The following KLC4 variants were observed in gnomAD, a reference collection of about 807,000 sequenced individuals.
The protein encoded by KLC4 is kinesin-like protein 8.
A neutral mutation model predicts 77.2 loss-of-function variants in KLC4; 49 were observed. The observed-to-expected ratio is 0.63, with a 90% CI of 0.50 to 0.80. The LOEUF is 0.80. KLC4 is among the 30% of genes least tolerant of loss of function. The pLI is 0.00. For missense variants in KLC4, 669 were observed against 793.5 expected, an observed-to-expected ratio of 0.84 and a Z score of 1.89; for synonymous variants, 274 against 314.5, an observed-to-expected ratio of 0.87 and a Z score of 1.36.
intron 13 of KLC4, 119 bp downstream of exon 13, chr6:43,073,083 C>T: frequency 7.2e-7 from 1 of 1,398,052 alleles, no homozygotes; most frequent in Non-Finnish European, 9.7e-7. Context: ...TCTCTGGGAG[C>T]CAGTTTTTGA....
chr6:43,067,093 C>A lies in KLC4; in HGVS notation c.879+10C>A, dbSNP rs373058990. Reference sequence around the variant, plus strand: ...ACCTGACCATCCTGCTGTCAGTATTCCTTGCCCTCCCCACCCCACGCCCCG... The same window carrying A: ...ACCTGACCATCCTGCTGTCAGTATTACTTGCCCTCCCCACCCCACGCCCCG... On this transcript the variant is annotated intron_variant, in intron 6 of 15. Coordinates refer to ENST00000347162, the MANE Select transcript of KLC4 (RefSeq NM_201521.3). 6.2e-7 allele frequency: 1 copy of A among 1,613,874 alleles called. No homozygotes were observed. The highest frequency in any genetic ancestry group is 8.5e-7 in the Non-Finnish European group (1 of 1,179,966).
At chr6:43,068,472 C>CA (rs199648271) in intron 6 of KLC4, among the ~76,000 whole-genome samples, 2,698 of 145,426 alleles carry the variant, frequency 0.019, 36 homozygotes, top group Middle Eastern at 0.05. Flanking sequence ...AACTCTGTCT[C>CA]AAAAAAAAAG....
chr6:43,067,879 G>A lies in KLC4; in HGVS notation c.879+796G>A, dbSNP rs1448501500. On this transcript the variant is annotated intron_variant, in intron 6 of 15. Transcript: ENST00000347162. Reference sequence around the variant, plus strand: ...TGTAATCCCAGCACTTTGGGAGGCCGAGGCGGGCGGATCACGAGGTCAGGA... The same window carrying A: ...TGTAATCCCAGCACTTTGGGAGGCCAAGGCGGGCGGATCACGAGGTCAGGA... 4.6e-4 allele frequency among the ~76,000 whole-genome samples: 55 copies of A among 118,878 alleles called. 1 individual carries two copies. The highest frequency in any genetic ancestry group is 4.4e-3 in the Middle Eastern group (1 of 228). 78.0% of individuals were successfully genotyped at this position (118,878 alleles called of 152,430 possible).
chr6:43,070,254 G>T lies in KLC4; in HGVS notation c.880-100G>T, dbSNP rs374615750. The T allele has an allele frequency of 5.4e-6, 4 of 745,984 alleles. No homozygotes were observed. The African/African-American group carries it at 6.9e-5, about 13-fold the overall frequency. The allele number at this position is 745,984 out of a possible 1,614,324, so 46.2% of individuals were successfully genotyped here. ...GTAGTAGACTTTGTCTCTTAGAGTT[G>T]TGCAGTGAGTGTTGGGCCCTGCTGG... On this transcript the variant is annotated intron_variant, in intron 6 of 15. Coordinates refer to ENST00000347162, the MANE Select transcript of KLC4 (RefSeq NM_201521.3).
intron 1 of KLC4, chr6:43,059,991 C>A: frequency 7.3e-7 from 1 of 1,364,678 alleles, no homozygotes; most frequent in Non-Finnish European, 9.5e-7. Flanking sequence ...GCCCATCTCA[C>A]TCTCCCAACC....
rs1259217160 is a variant in KLC4 at position 43,071,562 on chromosome 6, C to T, written c.1256-5C>T. On this transcript the variant is annotated splice_region_variant and splice_polypyrimidine_tract_variant and intron_variant, in intron 9 of 15. Transcript: ENST00000347162. ...TAACCTCCCCACCCCATGTATCACC[C>T]CTAGATGACCACAAGCCCATCTGGA... 6.2e-7 allele frequency: 1 copy of T among 1,613,232 alleles called. No homozygotes were observed. The highest frequency in any genetic ancestry group is 8.5e-7 in the Non-Finnish European group (1 of 1,179,674).
chr6:43,070,915 GAGGT>G, intron 8 of KLC4, 50 bp downstream of exon 8: 2 of 319,740 alleles, frequency 6.3e-6, no homozygotes, highest in Non-Finnish European at 1.1e-5. Context: ...GGGGGGCACA[GAGGT>G]GGGGGGAGGG....
rs7772629 is a variant in KLC4 at position 43,069,737 on chromosome 6, G to A, written c.880-617G>A. ...CTAATTTTGTACTTTTAGTAGAGAC[G>A]GGGTTTCTCCATGTTGGTCAGGCTG... is the stretch of plus-strand genomic sequence containing the variant. On this transcript the variant is annotated intron_variant, in intron 6 of 15. Coordinates refer to ENST00000347162, the MANE Select transcript of KLC4 (RefSeq NM_201521.3). Among the ~76,000 whole-genome samples the A allele has an allele frequency of 2.4e-4, 36 of 151,982 alleles. 1 individual carries two copies. In the East Asian group the frequency reaches 2.5e-3, roughly 11 times the overall value.
In KLC4 at chr6:43,067,099, C is replaced by T. The variant is rs1157463570; in HGVS notation, c.879+16C>T. The T allele has an allele frequency of 1.9e-6, 3 of 1,613,680 alleles. No individual in the cohort carries two copies. The South Asian group carries it at 3.3e-5, about 18-fold the overall frequency. On this transcript the variant is annotated intron_variant, in intron 6 of 15. Coordinates refer to ENST00000347162, the MANE Select transcript of KLC4 (RefSeq NM_201521.3). The stretch of plus-strand genomic sequence containing the variant: ...CCATCCTGCTGTCAGTATTCCTTGC[C>T]CTCCCCACCCCACGCCCCGCACCCC...
At chr6:43,060,306 A>G (rs1765077146) in intron 1 of KLC4, 1 of 1,604,412 alleles carries the variant, frequency 6.2e-7, no homozygotes, top group South Asian at 1.1e-5. Flanking sequence ...TCTCTCTCTC[A>G]TTCCCTTCCT....
intron 6 of KLC4, among the ~76,000 whole-genome samples, chr6:43,069,846 C>T (rs1381879689): frequency 6.6e-6 from 1 of 152,126 alleles, no homozygotes; most frequent in Non-Finnish European, 1.5e-5. Context: ...CTGCGTCCAG[C>T]CAAAAAGCTA....
At chr6:43,069,600 G>A (rs558846383) in intron 6 of KLC4, among the ~76,000 whole-genome samples, 51 of 151,972 alleles carry the variant, frequency 3.4e-4, no homozygotes, top group African/African-American at 1.2e-3. Flanking sequence ...CCAGGCTAGA[G>A]TGCAACATGG....
chr6:43,067,584 G>C (rs1228395153), intron 6 of KLC4, among the ~76,000 whole-genome samples: 1 of 151,968 alleles, frequency 6.6e-6, no homozygotes, highest in Non-Finnish European at 1.5e-5. Flanking sequence ...CACGAGGTCA[G>C]GAGATCGAGA....
At chr6:43,067,308 A>G in intron 6 of KLC4, 1 of 1,021,092 alleles carries the variant, frequency 9.8e-7, no homozygotes, top group Non-Finnish European at 1.3e-6. Context: ...GCTTGAATTT[A>G]ATTAATAGAT....
At chr6:43,059,849 A>C in intron 1 of KLC4, 164 bp downstream of exon 1, 5 of 1,189,114 alleles carry the variant, frequency 4.2e-6, no homozygotes, top group Non-Finnish European at 5.2e-6. Context: ...GCGTCCAGAC[A>C]GATAGACAGA....
Position 43,070,900 on chromosome 6 carries a change from G to A in KLC4, c.1155+35G>A, listed in dbSNP as rs748384751. On this transcript the variant is annotated intron_variant, in intron 8 of 15. Transcript: ENST00000347162. Reference sequence around the variant, plus strand: ...GAGGGACAAAGTAGGTGGAAGAAACGGAGAGGGGGGCACAGAGGTGGGGGG... The same window carrying A: ...GAGGGACAAAGTAGGTGGAAGAAACAGAGAGGGGGGCACAGAGGTGGGGGG... 9 of 752,908 alleles carry A rather than the reference G, an allele frequency of 1.2e-5. No individual in the cohort carries two copies. The African/African-American group carries it at 1.3e-4, about 11-fold the overall frequency. 46.6% of individuals were successfully genotyped at this position (752,908 alleles called of 1,614,324 possible). A position where few individuals can be genotyped will look rare whatever the true frequency, so the allele number is the denominator to read the frequency against.
rs1352960116 is a variant in KLC4 at position 43,072,873 on chromosome 6, G to C, written c.1538G>C (p.Ser513Thr). 10 of 1,613,628 alleles carry C rather than the reference G, an allele frequency of 6.2e-6. No homozygotes were observed. Among genetic ancestry groups the C allele is most frequent in the Non-Finnish European group, 8.5e-6 (10 of 1,179,816 alleles). The change falls in exon 13 of 16, where the codon AGT becomes ACT. Residue 513 changes from serine (S) to threonine (T), a missense_variant. By Grantham distance (58) the Ser-to-Thr change is moderately conservative. Coordinates refer to ENST00000347162, the MANE Select transcript of KLC4 (RefSeq NM_201521.3). ...QTKVAELLGE[S>T]DGRRTSQEGP... ...AAGGTGGCAGAGCTGCTTGGGGAGA[G>C]TGATGGTAGAAGGACCTCCCAGGAG... is the stretch of plus-strand genomic sequence containing the variant.
chr6:43,063,146 C>T lies in KLC4; in HGVS notation c.488C>T (p.Ser163Leu), dbSNP rs372388180. The T allele has an allele frequency of 5.3e-5, 86 of 1,610,192 alleles. No homozygotes were observed. The highest frequency in any genetic ancestry group is 2.7e-4 in the East Asian group (12 of 44,834). ...CAGTATGATGAGGATGGACATACCT[C>T]GGTGAGTGTGCACAGGCGAGACTGG... ...LRQYDEDGHT[S>L]EEKEGDATKD... Residue 163 changes from serine to leucine, a missense_variant and splice_region_variant, in exon 3 of 16, where the codon TCG (serine) becomes TTG (leucine). Transcript: ENST00000347162.
chr6:43,069,044 G>A (rs1765596704), intron 6 of KLC4, among the ~76,000 whole-genome samples: 1 of 152,110 alleles, frequency 6.6e-6, no homozygotes, highest in South Asian at 2.1e-4. Flanking sequence ...GGAGGCTGAG[G>A]TTGCAGTGAG....
Sources: gnomAD v4.1 joint callset for allele counts (sites outside exome capture counted in the v4.1 genomes callset) on GRCh38, gnomAD v4.1.1 for gene constraint, MANE v1.5 for transcripts, NCBI Gene and HGNC (gene_info 2026-07-23, HGNC 2026-07-21) for gene names.